The following GRM5 variants were observed in gnomAD, a reference collection of about 807,000 sequenced individuals.
The protein encoded by GRM5 is glutamate metabotropic receptor 5, also known as metabotropic glutamate receptor 5.
Under a neutral mutation model 83.1 loss-of-function variants are expected in GRM5, and 19 were observed. The ratio of observed to expected loss-of-function variants is 0.23; its 90% CI spans 0.16 to 0.34. GRM5 has a LOEUF of 0.34. Among genes scored for constraint, GRM5 ranks in the 10% least tolerant of loss-of-function variants. GRM5 has a pLI of 1.00. For synonymous variants in GRM5, 675 were observed against 633.6 expected (o/e 1.07, Z -0.98); for missense variants, 1,160 against 1,588.3 (o/e 0.73, Z 4.58).
rs372861602 is a variant in GRM5, at chr11:88,748,470, G to A, written c.912-95067C>T. Among the ~76,000 whole-genome samples the A allele has an allele frequency of 1.2e-4, 19 of 152,240 alleles. No homozygotes were observed. The South Asian group carries it at 3.7e-3, about 30-fold the overall frequency. On this transcript the variant is annotated intron_variant, in intron 3 of 9. Coordinates refer to ENST00000305447, the MANE Select transcript of GRM5 (RefSeq NM_001143831.3). ...TGGGTCTGAGTTCCCAGGGGGAGGGGTAGCCATCATCTCTGTGGTTCAGTT... is the reference window on the plus strand; with the variant it reads ...TGGGTCTGAGTTCCCAGGGGGAGGGATAGCCATCATCTCTGTGGTTCAGTT...
chr11:88,654,431 A>G (rs7479003), intron 3 of GRM5, among the ~76,000 whole-genome samples: 151,315 of 152,222 alleles, frequency 0.99, 75,215 homozygotes, highest in East Asian at 1. Flanking sequence ...TGTGCTGTAT[A>G]TCTGCTGGAA....
intron 4 of GRM5, among the ~76,000 whole-genome samples, chr11:88,642,501 T>C (rs1939322483): frequency 6.6e-6 from 1 of 152,132 alleles, no homozygotes; most frequent in Non-Finnish European, 1.5e-5. Context: ...CTGAAAAAGA[T>C]CTCTTTCTCT....
chr11:88,785,026 C>A lies in GRM5; in HGVS notation c.911+64880G>T, dbSNP rs772283721. On this transcript the variant is annotated intron_variant, in intron 3 of 9. Transcript: ENST00000305447. ...GTATAAAATTTTATATTCAGTTTAGCACACTATGTTAACGAACACACTAAA... is the reference window on the plus strand; with the variant it reads ...GTATAAAATTTTATATTCAGTTTAGAACACTATGTTAACGAACACACTAAA... Among the ~76,000 whole-genome samples the A allele has an allele frequency of 9.0e-4, 137 of 152,098 alleles. 1 individual carries two copies. The highest frequency in any genetic ancestry group is 1.1e-3 in the Non-Finnish European group (75 of 67,918).
intron 2 of GRM5, among the ~76,000 whole-genome samples, chr11:88,931,980 T>C (rs1327304220): frequency 6.6e-6 from 1 of 152,080 alleles, no homozygotes; most frequent in East Asian, 1.9e-4. Flanking sequence ...ATTGAGTGCA[T>C]CCATAAATAA....
At chr11:88,716,665 G>A (rs1422068343) in intron 3 of GRM5, among the ~76,000 whole-genome samples, 1 of 151,950 alleles carries the variant, frequency 6.6e-6, no homozygotes, top group Non-Finnish European at 1.5e-5. Flanking sequence ...TGGCTTGCAT[G>A]TTAAACCATT....
chr11:88,977,244 G>A (rs1186205999), intron 2 of GRM5, among the ~76,000 whole-genome samples: 2 of 150,446 alleles, frequency 1.3e-5, no homozygotes, highest in Non-Finnish European at 1.5e-5. Flanking sequence ...ATGGAGTCTC[G>A]CTCTGTCACC....
intron 3 of GRM5, among the ~76,000 whole-genome samples, chr11:88,806,082 A>T (rs1364694601): frequency 6.6e-6 from 1 of 152,158 alleles, no homozygotes; most frequent in African/African-American, 2.4e-5. Flanking sequence ...AATTTGCTTC[A>T]TCCCTTTGGA....
In GRM5 at chr11:88,953,353, G is replaced by A. The variant is rs575881252; in HGVS notation, c.661+93859C>T. 4.1e-4 allele frequency among the ~76,000 whole-genome samples: 62 copies of A among 152,304 alleles called. No homozygotes were observed. The East Asian group carries it at 0.011, about 27-fold the overall frequency. On this transcript the variant is annotated intron_variant, in intron 2 of 9. Transcript: ENST00000305447. ...AATCCCATACCATAGAATTGGGCAG[G>A]TAATAGGCTCTCAGAATAAGACCTG...
chr11:88,712,646 G>A (rs1331130483), intron 3 of GRM5, among the ~76,000 whole-genome samples: 1 of 151,974 alleles, frequency 6.6e-6, no homozygotes, highest in Admixed American at 6.6e-5. Flanking sequence ...ACTGTTCGTA[G>A]TTTGATGCCC....
rs1266841271 is a variant in GRM5, at chr11:89,047,341, C to G, written c.532G>C (p.Asp178His). 6.2e-7 allele frequency: 1 copy of G among 1,613,832 alleles called. No homozygotes were observed. Among genetic ancestry groups the G allele is most frequent in the Non-Finnish European group, 8.5e-7 (1 of 1,179,728 alleles). The change falls in exon 2 of 10, where the codon GAT becomes CAT. Residue 178 changes from aspartate (D) to histidine (H), a missense_variant. Physicochemically the swap from Asp to His is moderately conservative, Grantham distance 81 (BLOSUM62 -1). Around this residue, in one of 9 missense-constraint regions of GRM5, gnomAD observed 84 missense variants for 231.0 expected, o/e 0.36. Transcript: ENST00000305447. This position sits in a 1 kb window ranked among gnomAD's most constrained non-coding sequence, Gnocchi z 5.1. ...PQIAYSATSM[D>H]LSDKTLFKYF... is the part of the protein sequence containing the mutation. ...TTGAACAGAGTCTTGTCACTCAGAT[C>G]CATGCTGGTTGCTGAGTAAGCAATC...
intron 4 of GRM5, among the ~76,000 whole-genome samples, chr11:88,651,072 C>T (rs1397415313): frequency 6.6e-6 from 1 of 151,954 alleles, no homozygotes; most frequent in East Asian, 1.9e-4. Flanking sequence ...AGATTCTGAG[C>T]AGAGATCACA....
intron 4 of GRM5, among the ~76,000 whole-genome samples, chr11:88,609,251 G>A (rs1023936644): frequency 6.6e-6 from 1 of 152,068 alleles, no homozygotes; most frequent in African/African-American, 2.4e-5. Context: ...GTAGTTTTTG[G>A]TTTTCTATTC....
In GRM5 at chr11:89,008,348, T is replaced by C. The variant is rs532883870; in HGVS notation, c.661+38864A>G. The stretch of plus-strand genomic sequence containing the variant: ...AAAATTAAATTTAAGTATGCTCAGA[T>C]CTCTATCATAAATCATAAATTTCCT... On this transcript the variant is annotated intron_variant, in intron 2 of 9. Coordinates refer to ENST00000305447, the MANE Select transcript of GRM5 (RefSeq NM_001143831.3). Among the ~76,000 whole-genome samples the C allele has an allele frequency of 2.6e-5, 4 of 152,292 alleles. No homozygotes were observed. The East Asian group carries it at 7.7e-4, about 29-fold the overall frequency.
At chr11:88,674,722 C>G (rs1476285644) in intron 3 of GRM5, among the ~76,000 whole-genome samples, 5 of 151,840 alleles carry the variant, frequency 3.3e-5, no homozygotes, top group Non-Finnish European at 7.4e-5. Flanking sequence ...CTATTTTTTT[C>G]CCTTGACTGT....
At chr11:88,841,213 C>A (rs984388607) in intron 3 of GRM5, among the ~76,000 whole-genome samples, 1 of 152,150 alleles carries the variant, frequency 6.6e-6, no homozygotes, top group African/African-American at 2.4e-5. Flanking sequence ...ACATTAAAAA[C>A]CTGTTACAGC....
At chr11:88,544,506 A>C (rs1323567182) in intron 8 of GRM5, among the ~76,000 whole-genome samples, 1 of 151,496 alleles carries the variant, frequency 6.6e-6, no homozygotes, top group Non-Finnish European at 1.5e-5. Flanking sequence ...CTTGAGTGAA[A>C]CTCCCCACTA....
At chr11:88,710,077 C>T (rs143151183) in intron 3 of GRM5, among the ~76,000 whole-genome samples, 87 of 152,234 alleles carry the variant, frequency 5.7e-4, no homozygotes, top group African/African-American at 2.0e-3. Flanking sequence ...ATTACCTGAG[C>T]TAATGTATCT....
At chr11:88,673,913 C>A in intron 3 of GRM5, among the ~76,000 whole-genome samples, 1 of 150,670 alleles carries the variant, frequency 6.6e-6, no homozygotes, top group Non-Finnish European at 1.5e-5. Flanking sequence ...AACAAACATA[C>A]TCTAGAGTAT....
At chr11:88,883,145 T>C (rs1944988598) in intron 2 of GRM5, among the ~76,000 whole-genome samples, 1 of 152,142 alleles carries the variant, frequency 6.6e-6, no homozygotes, top group South Asian at 2.1e-4. Context: ...ACTGGTTGAG[T>C]GAGGTACTTC....
Sources: gnomAD v4.1 joint callset for allele counts (sites outside exome capture counted in the v4.1 genomes callset) on GRCh38, gnomAD v4.1.1 for gene constraint, gnomAD v4.1.1 regional missense constraint, Gnocchi (gnomAD v3.1) non-coding constraint, MANE v1.5 for transcripts, NCBI Gene and HGNC (gene_info 2026-07-23, HGNC 2026-07-21) for gene names.